The following DRC5 variants were observed in gnomAD, a reference collection of about 807,000 sequenced individuals.
DRC5 encodes the protein T-complex-associated testis-expressed protein 1.
chr6:44,280,508 C>T, the DRC5 span: 25 of 732,606 alleles, frequency 3.4e-5, no homozygotes, highest in East Asian at 4.0e-4. Flanking sequence ...CAATACTTAA[C>T]CTATTTGTGA....
chr6:44,285,273 C>T, the DRC5 span, among the ~76,000 whole-genome samples: 2 of 152,146 alleles, frequency 1.3e-5, no homozygotes, highest in Non-Finnish European at 2.9e-5. Flanking sequence ...GCATTCATCC[C>T]AATTCAGGGG....
At chr6:44,287,717 G>A in the DRC5 span, 17 of 1,614,092 alleles carry the variant, frequency 1.1e-5, no homozygotes, top group Non-Finnish European at 1.4e-5. Flanking sequence ...GGCTTTGAGA[G>A]CTGTGGGCTT....
the DRC5 span, chr6:44,282,164 G>A: frequency 8.6e-5 from 139 of 1,614,176 alleles, no homozygotes; most frequent in East Asian, 6.7e-4. Context: ...TGTTGATGGC[G>A]AGCACCTGTG....
At chr6:44,290,107 C>T in the DRC5 span, among the ~76,000 whole-genome samples, 1 of 152,172 alleles carries the variant, frequency 6.6e-6, no homozygotes, top group Non-Finnish European at 1.5e-5. Context: ...CAAATTCACA[C>T]ACAGATTGTG....
the DRC5 span, among the ~76,000 whole-genome samples, chr6:44,281,496 T>G: frequency 1.3e-5 from 2 of 152,244 alleles, no homozygotes; most frequent in African/African-American, 2.4e-5. Flanking sequence ...GCAATTCTCC[T>G]GCCTCAGGCT....
the DRC5 span, chr6:44,287,549 T>C: frequency 6.2e-7 from 1 of 1,605,124 alleles, no homozygotes; most frequent in Non-Finnish European, 8.5e-7. Context: ...ACAGACTCAC[T>C]CTGGAAGTTC....
chr6:44,291,707 C>T, the DRC5 span, among the ~76,000 whole-genome samples: 3 of 152,218 alleles, frequency 2.0e-5, no homozygotes, highest in Non-Finnish European at 2.9e-5. Context: ...GGTGGGGTTT[C>T]CCAGCTGTGA....
chr6:44,292,405 G>A, the DRC5 span, among the ~76,000 whole-genome samples: 6 of 152,058 alleles, frequency 3.9e-5, no homozygotes, highest in Admixed American at 6.5e-5. Context: ...AACCCCTCCC[G>A]TTGTCAGACC....
At chr6:44,286,646 CT>C in the DRC5 span, 1 of 895,370 alleles carries the variant, frequency 1.1e-6, no homozygotes, top group Non-Finnish European at 1.7e-6. Context: ...CCCTTCCCTG[CT>C]TAGGGGATAG....
chr6:44,295,347 G>T, the DRC5 span, among the ~76,000 whole-genome samples: 1 of 152,136 alleles, frequency 6.6e-6, no homozygotes, highest in Admixed American at 6.5e-5. Flanking sequence ...TCTGGGGCCT[G>T]CCTCACCAGC....
the DRC5 span, among the ~76,000 whole-genome samples, chr6:44,280,945 C>T: frequency 6.6e-6 from 1 of 152,246 alleles, no homozygotes; most frequent in Non-Finnish European, 1.5e-5. Context: ...GTGGGAGACA[C>T]TGAATATTCC....
chr6:44,282,112 G>T, the DRC5 span: 1 of 1,610,406 alleles, frequency 6.2e-7, no homozygotes, highest in Non-Finnish European at 8.5e-7. Flanking sequence ...TGGCTCACCA[G>T]CCCGATGTGG....
chr6:44,282,505 G>A, the DRC5 span: 18 of 1,606,004 alleles, frequency 1.1e-5, no homozygotes, highest in Admixed American at 1.7e-5. Context: ...AGAAGGCTTC[G>A]AATTATGATG....
the DRC5 span, among the ~76,000 whole-genome samples, chr6:44,289,281 C>T: frequency 6.6e-6 from 1 of 151,980 alleles, no homozygotes; most frequent in East Asian, 1.9e-4. Flanking sequence ...AGGTGATCCA[C>T]CCACCTCAGC....
At chr6:44,294,507 G>A in the DRC5 span, among the ~76,000 whole-genome samples, 4 of 151,950 alleles carry the variant, frequency 2.6e-5, no homozygotes, top group African/African-American at 9.7e-5. Flanking sequence ...CACTTTGGGA[G>A]GTCGAGGAGG....
At chr6:44,287,603 T>A in the DRC5 span, 11 of 1,614,014 alleles carry the variant, frequency 6.8e-6, no homozygotes, top group South Asian at 1.1e-4. Context: ...AGGGGCACGA[T>A]GGCCAGTGAC....
chr6:44,293,400 G>A, the DRC5 span, among the ~76,000 whole-genome samples: 32 of 151,818 alleles, frequency 2.1e-4, no homozygotes, highest in Non-Finnish European at 3.7e-4. Flanking sequence ...ATTGCTTGAG[G>A]CTAAGAATTC....
chr6:44,287,149 A>G, the DRC5 span: 4 of 974,698 alleles, frequency 4.1e-6, no homozygotes, highest in Non-Finnish European at 4.9e-6. Context: ...AAGGATCAAT[A>G]TTACAGAGCA....
the DRC5 span, among the ~76,000 whole-genome samples, chr6:44,297,466 G>A: frequency 5.9e-5 from 9 of 152,206 alleles, no homozygotes; most frequent in Non-Finnish European, 1.0e-4. Context: ...TCGCGTGGAG[G>A]GCGTGGGGTC....
Sources: gnomAD v4.1 joint callset for allele counts (sites outside exome capture counted in the v4.1 genomes callset) on GRCh38, gnomAD v4.1.1 for gene constraint, MANE v1.5 for transcripts, NCBI Gene and HGNC (gene_info 2026-07-23, HGNC 2026-07-21) for gene names.